PTPRN2: variants seen among roughly 807,000 people sequenced by gnomAD.
PTPRN2 encodes receptor-type tyrosine-protein phosphatase N2.
A neutral mutation model predicts 118.8 loss-of-function variants in PTPRN2; 74 were observed. The ratio of observed to expected loss-of-function variants is 0.62; its 90% confidence interval spans 0.52 to 0.76. The LOEUF is 0.76. Ranked by LOEUF, PTPRN2 falls within the 30% of genes least tolerant of loss-of-function variation. PTPRN2 has a pLI of 0.00. For missense variants in PTPRN2, 1,481 were observed against 1,394.4 expected, an observed-to-expected ratio of 1.06 and a Z score of -0.99; for synonymous variants, 641 against 608.0, an observed-to-expected ratio of 1.05 and a Z score of -0.80.
chr7:157,545,170 C>G (rs1798234106), intron 22 of PTPRN2, among the ~76,000 whole-genome samples: 3 of 136,766 alleles, frequency 2.2e-5, no homozygotes, highest in African/African-American at 8.5e-5. Flanking sequence ...CAGTGTGTGG[C>G]TGAGTGGTGT....
intron 12 of PTPRN2, among the ~76,000 whole-genome samples, chr7:157,793,145 G>C (rs1282421292): frequency 6.6e-6 from 1 of 152,142 alleles, no homozygotes; most frequent in Non-Finnish European, 1.5e-5. Flanking sequence ...GGGAGAATGA[G>C]GGCCTGGAGC....
At chr7:158,168,871 T>C (rs1300230008) in intron 5 of PTPRN2, among the ~76,000 whole-genome samples, 2 of 152,226 alleles carry the variant, frequency 1.3e-5, no homozygotes, top group Admixed American at 6.5e-5. Context: ...ATTGTACCTC[T>C]GACTTGGGCT....
At chr7:157,715,667 T>G (rs1434625376) in intron 12 of PTPRN2, among the ~76,000 whole-genome samples, 1 of 152,220 alleles carries the variant, frequency 6.6e-6, no homozygotes, top group Admixed American at 6.5e-5. Context: ...GATCTGTGAC[T>G]TTGGGCAAAT....
intron 11 of PTPRN2, among the ~76,000 whole-genome samples, chr7:158,078,396 T>C (rs545443648): frequency 2.6e-5 from 4 of 152,362 alleles, no homozygotes; most frequent in African/African-American, 9.6e-5. Context: ...TCTTGAGTTC[T>C]GTATGTTGGT....
chr7:158,344,117 G>C (rs887785110), intron 2 of PTPRN2, among the ~76,000 whole-genome samples: 2 of 151,922 alleles, frequency 1.3e-5, no homozygotes, highest in Non-Finnish European at 2.9e-5. Flanking sequence ...TCCCCCTGCC[G>C]AGGAGCCAGC....
rs1822953770 is a variant in PTPRN2 at position 158,166,209 on chromosome 7, A to G, written c.910+722T>C. ...GGGAAGGGATGAACAAGAAGTGAGAAGGGAACACACACTGTCCTCACACCC... is the reference window on the plus strand; with the variant it reads ...GGGAAGGGATGAACAAGAAGTGAGAGGGGAACACACACTGTCCTCACACCC... On this transcript the variant is annotated intron_variant, in intron 6 of 22. Transcript: ENST00000389418. Among the ~76,000 whole-genome samples the G allele has an allele frequency of 2.6e-5, 4 of 151,780 alleles. 1 individual carries two copies. Among genetic ancestry groups the G allele is most frequent in the Non-Finnish European group, 4.4e-5 (3 of 67,918 alleles).
intron 5 of PTPRN2, among the ~76,000 whole-genome samples, chr7:158,185,204 T>C (rs1188915559): frequency 6.6e-6 from 1 of 152,262 alleles, no homozygotes. Flanking sequence ...AGTTTTCTTT[T>C]AAAATCTTTC....
In PTPRN2 at chr7:157,869,442, G is replaced by A. The variant is rs1430381311; in HGVS notation, c.1788+29231C>T. Among the ~76,000 whole-genome samples the A allele has an allele frequency of 6.6e-6, 1 of 152,146 alleles. No individual in the cohort carries two copies. The highest frequency in any genetic ancestry group is 1.5e-5 in the Non-Finnish European group (1 of 68,022). On this transcript the variant is annotated intron_variant, in intron 12 of 22. Coordinates refer to ENST00000389418, the MANE Select transcript of PTPRN2 (RefSeq NM_002847.5). This position sits in a 1 kb window ranked among gnomAD's most constrained non-coding sequence, Gnocchi z 4.2. ...AGTTCACAGAAAAATTGGATTAAAA[G>A]GTAAAAATAAAAATATAAACTTTAT...
chr7:157,684,158 T>A (rs962732019), intron 12 of PTPRN2, among the ~76,000 whole-genome samples: 4 of 152,158 alleles, frequency 2.6e-5, no homozygotes, highest in Admixed American at 2.6e-4. Context: ...CGGTCTTGAC[T>A]GGAAAAGCTG....
In PTPRN2 at chr7:157,618,044, A is replaced by G. The variant is rs540683314; in HGVS notation, c.2344+3318T>C. On this transcript the variant is annotated intron_variant, in intron 15 of 22. Transcript: ENST00000389418. The surrounding 1 kb of genome is among the most constrained non-coding windows in gnomAD (Gnocchi z 4.2). ...ATGTTAAGTTCTTTAAACTTCTGAG[A>G]TAATACAACTAGACCTAGCATGGTG... 2 of 152,388 alleles carry G rather than the reference A, an allele frequency of 1.3e-5. No homozygotes were observed. The highest frequency in any genetic ancestry group is 4.1e-4 in the South Asian group (2 of 4,830). The allele number at this position is 152,388 out of a possible 1,614,324, so 9.4% of individuals were successfully genotyped here.
At chr7:157,642,729 A>G (rs17837789) in intron 14 of PTPRN2, among the ~76,000 whole-genome samples, 23,422 of 150,044 alleles carry the variant, frequency 0.16, 2,134 homozygotes, top group East Asian at 0.3. Context: ...TTAATTCAAC[A>G]AGTATGAGTT....
intron 3 of PTPRN2, among the ~76,000 whole-genome samples, chr7:158,259,737 A>C (rs1797265837): frequency 6.7e-6 from 1 of 148,320 alleles, no homozygotes; most frequent in Non-Finnish European, 1.5e-5. Flanking sequence ...TTGTGTGTCC[A>C]TGTGTCCATG....
At chr7:157,914,243 CAGAG>C (rs1192736669) in intron 11 of PTPRN2, among the ~76,000 whole-genome samples, 1 of 152,138 alleles carries the variant, frequency 6.6e-6, no homozygotes, top group Non-Finnish European at 1.5e-5. Context: ...TTTAAACAAA[CAGAG>C]AGATTCTCTG....
rs936199399 is a variant in PTPRN2, at chr7:157,869,678, T to C, written c.1788+28995A>G. On this transcript the variant is annotated intron_variant, in intron 12 of 22. Transcript: ENST00000389418. The surrounding 1 kb of genome is among the most constrained non-coding windows in gnomAD (Gnocchi z 4.2). The stretch of plus-strand genomic sequence containing the variant: ...GTGAGAAGGAGCCAAACCAGGACTG[T>C]AGGGGGATGCCTCATGAGTTCTCAT... Among the ~76,000 whole-genome samples the C allele has an allele frequency of 3.9e-5, 6 of 152,140 alleles. No homozygotes were observed. The highest frequency in any genetic ancestry group is 7.4e-5 in the Non-Finnish European group (5 of 68,012).
intron 11 of PTPRN2, among the ~76,000 whole-genome samples, chr7:158,066,560 G>A (rs1423359442): frequency 2.0e-5 from 3 of 152,102 alleles, no homozygotes; most frequent in African/African-American, 7.2e-5. Flanking sequence ...AAAACACCGT[G>A]GAGAAATTCC....
chr7:157,941,274 C>T (rs185805427), intron 11 of PTPRN2, among the ~76,000 whole-genome samples: 2 of 77,328 alleles, frequency 2.6e-5, no homozygotes, highest in African/African-American at 8.9e-5. Context: ...CTCCCCACCA[C>T]GACACTGCAA....
chr7:157,868,738 T>C lies in PTPRN2; in HGVS notation c.1788+29935A>G, dbSNP rs993785301. On this transcript the variant is annotated intron_variant, in intron 12 of 22. Transcript: ENST00000389418. This position sits in a 1 kb window ranked among gnomAD's most constrained non-coding sequence, Gnocchi z 5.2. ...TCAACAGCGGTCGTTCTTCATTGTA[T>C]TGTGAGCTCCCTCTGGGCTGTGCAC... 1 of 152,222 alleles carries C rather than the reference T, an allele frequency of 6.6e-6. No homozygotes were observed. The highest frequency in any genetic ancestry group is 2.4e-5 in the African/African-American group (1 of 41,420). The allele number at this position is 152,222 out of a possible 1,614,324, so 9.4% of individuals were successfully genotyped here. A position where few individuals can be genotyped will look rare whatever the true frequency, so the allele number is the denominator to read the frequency against.
intron 2 of PTPRN2, among the ~76,000 whole-genome samples, chr7:158,320,109 ACACACACACACAGCCTCCCT>A (rs1327867824): frequency 1.7e-4 from 7 of 40,814 alleles, no homozygotes; most frequent in African/African-American, 6.0e-4. Flanking sequence ...AGTCTCCCTC[ACACACACACACAGCCTCCCT>A]CACACACACA....
intron 2 of PTPRN2, among the ~76,000 whole-genome samples, chr7:158,323,570 G>A (rs1391807191): frequency 1.3e-5 from 2 of 152,214 alleles, no homozygotes; most frequent in Non-Finnish European, 2.9e-5. Flanking sequence ...TGGGTGGTCA[G>A]TTTCTTTCAT....
Sources: gnomAD v4.1 joint callset for allele counts (sites outside exome capture counted in the v4.1 genomes callset) on GRCh38, gnomAD v4.1.1 for gene constraint, Gnocchi (gnomAD v3.1) non-coding constraint, MANE v1.5 for transcripts, NCBI Gene and HGNC (gene_info 2026-07-23, HGNC 2026-07-21) for gene names.